Variants in GPR149 observed in about 807,000 individuals in gnomAD.
GPR149 encodes G protein-coupled receptor 149.
Under a neutral mutation model 50.2 loss-of-function variants are expected in GPR149, and 50 were observed. That is an observed-to-expected ratio of 1.00 (90% confidence interval 0.79 to 1.26). GPR149 has a LOEUF of 1.26. Ranked by LOEUF, GPR149 falls within the 50% of genes most tolerant of loss-of-function variation. The probability of loss-of-function intolerance (pLI) is 0.00; values close to 1 mark genes in which losing one functional copy is unlikely to be tolerated. For missense variants in GPR149, 983 were observed against 895.4 expected, an observed-to-expected ratio of 1.10 and a Z score of -1.25; for synonymous variants, 405 against 358.2, an observed-to-expected ratio of 1.13 and a Z score of -1.48.
intron 3 of GPR149, among the ~76,000 whole-genome samples, chr3:154,396,295 A>G (rs1715292100): frequency 6.6e-6 from 1 of 152,178 alleles, no homozygotes; most frequent in Admixed American, 6.5e-5. Flanking sequence ...TCCATTATTA[A>G]GAAATTTTCA....
chr3:154,397,537 C>T (rs192861839), intron 3 of GPR149, among the ~76,000 whole-genome samples: 64 of 152,008 alleles, frequency 4.2e-4, no homozygotes, highest in South Asian at 2.3e-3. Context: ...AAACTCATCA[C>T]TCCCAATTAT....
chr3:154,341,311 A>G (rs1713791600), intron 3 of GPR149, among the ~76,000 whole-genome samples: 1 of 58,110 alleles, frequency 1.7e-5, no homozygotes, highest in African/African-American at 6.5e-5. Flanking sequence ...ATATATATAT[A>G]TATATATATA....
chr3:154,421,094 G>T lies in GPR149; in HGVS notation c.1568C>A (p.Pro523Gln). ...ACACCACTCCCAGTCTGAAAGATCT[G>T]GTTTCTGACTCTCTTCATGAGACAG... ...RRLSHEESQKPDLSDWEWCRS... is the reference protein window; with the variant it reads ...RRLSHEESQKQDLSDWEWCRS... The change falls in exon 3 of 4, where the codon CCA becomes CAA. Residue 523 changes from proline to glutamine, a missense_variant. Transcript: ENST00000389740. 1.9e-6 allele frequency: 3 copies of T among 1,613,102 alleles called. No homozygotes were observed. Among genetic ancestry groups the T allele is most frequent in the Non-Finnish European group, 1.7e-6 (2 of 1,179,476 alleles).
chr3:154,401,672 A>T (rs1434561146), intron 3 of GPR149, among the ~76,000 whole-genome samples: 1 of 152,180 alleles, frequency 6.6e-6, no homozygotes, highest in Admixed American at 6.5e-5. Flanking sequence ...ACAGGAAAAA[A>T]AAACCTACAT....
rs201097777 is a variant in GPR149, at chr3:154,374,688, C to CATAT, written c.1624-36421_1624-36418dup. 7.2e-5 allele frequency among the ~76,000 whole-genome samples: 11 copies of CATAT among 151,982 alleles called. No homozygotes were observed. The South Asian group carries it at 1.5e-3, about 20-fold the overall frequency. ...TGGGTTATAATATGGGTCCAAAGGGCATATATATATATTAGAAGAAATCAT... is the reference window on the plus strand; with the variant it reads ...TGGGTTATAATATGGGTCCAAAGGGCATATATATATATATATTAGAAGAAATCAT... On this transcript the variant is annotated intron_variant, in intron 3 of 3. Transcript: ENST00000389740.
chr3:154,413,622 A>G (rs1295853885), intron 3 of GPR149, among the ~76,000 whole-genome samples: 1 of 136,592 alleles, frequency 7.3e-6, no homozygotes, highest in East Asian at 2.2e-4. Flanking sequence ...CACATTTGCA[A>G]GAATGGCCAT....
At chr3:154,368,112 G>C (rs1714584124) in intron 3 of GPR149, among the ~76,000 whole-genome samples, 1 of 152,176 alleles carries the variant, frequency 6.6e-6, no homozygotes, top group Non-Finnish European at 1.5e-5. Context: ...GGAGTTATCA[G>C]TAGACATTCT....
At chr3:154,348,715 A>G (rs970460606) in intron 3 of GPR149, among the ~76,000 whole-genome samples, 1 of 152,178 alleles carries the variant, frequency 6.6e-6, no homozygotes, top group African/African-American at 2.4e-5. Flanking sequence ...GAAAATCAAC[A>G]AGAGTGTAGA....
chr3:154,389,191 C>A (rs1715111895), intron 3 of GPR149, among the ~76,000 whole-genome samples: 1 of 152,106 alleles, frequency 6.6e-6, no homozygotes, highest in African/African-American at 2.4e-5. Flanking sequence ...AATAGAAGCC[C>A]TGGATCCATC....
chr3:154,420,536 G>T (rs1420894795), intron 3 of GPR149, among the ~76,000 whole-genome samples: 1 of 151,840 alleles, frequency 6.6e-6, no homozygotes, highest in Non-Finnish European at 1.5e-5. Context: ...TTTCTGCTGG[G>T]TACTGGAGGG....
chr3:154,421,927 A>T (rs1712158018), intron 2 of GPR149, among the ~76,000 whole-genome samples: 1 of 151,776 alleles, frequency 6.6e-6, no homozygotes, highest in Non-Finnish European at 1.5e-5. Flanking sequence ...TATGTGAGTT[A>T]TTCAGCTAAG....
chr3:154,386,405 T>C (rs148726710), intron 3 of GPR149, among the ~76,000 whole-genome samples: 57 of 152,352 alleles, frequency 3.7e-4, no homozygotes, highest in African/African-American at 1.3e-3. Flanking sequence ...CAGAGATTCA[T>C]ACCTGATGTC....
chr3:154,413,942 G>GTATATATATATA (rs3038651), intron 3 of GPR149, among the ~76,000 whole-genome samples: 71 of 147,902 alleles, frequency 4.8e-4, no homozygotes, highest in Non-Finnish European at 9.1e-4. Context: ...AGAAATTGTA[G>GTATATATATATA]TATATATATA....
chr3:154,364,150 C>T (rs1332166093), intron 3 of GPR149, among the ~76,000 whole-genome samples: 1 of 152,186 alleles, frequency 6.6e-6, no homozygotes, highest in Non-Finnish European at 1.5e-5. Flanking sequence ...GCCACTCCCT[C>T]CTGCTTGCTG....
chr3:154,349,256 A>G (rs749504387), intron 3 of GPR149, among the ~76,000 whole-genome samples: 2 of 152,194 alleles, frequency 1.3e-5, no homozygotes, highest in Non-Finnish European at 2.9e-5. Flanking sequence ...GAAAATAGAT[A>G]AAAGCTGATA....
At chr3:154,349,633 T>C (rs1389661432) in intron 3 of GPR149, among the ~76,000 whole-genome samples, 1 of 152,198 alleles carries the variant, frequency 6.6e-6, no homozygotes, top group African/African-American at 2.4e-5. Flanking sequence ...CAGCCTTATG[T>C]TTTCTCTGGA....
intron 3 of GPR149, among the ~76,000 whole-genome samples, chr3:154,391,103 C>T (rs1367136477): frequency 6.6e-6 from 1 of 151,650 alleles, no homozygotes; most frequent in Admixed American, 6.6e-5. Flanking sequence ...AGCTAAACAG[C>T]AATAATAAAA....
At chr3:154,356,380 G>A (rs928720714) in intron 3 of GPR149, among the ~76,000 whole-genome samples, 1 of 152,144 alleles carries the variant, frequency 6.6e-6, no homozygotes, top group African/African-American at 2.4e-5. Flanking sequence ...AGGAAAAGAG[G>A]AAGTCAAATT....
chr3:154,426,913 T>TGA (rs1553767488), intron 2 of GPR149, among the ~76,000 whole-genome samples: 14 of 127,276 alleles, frequency 1.1e-4, no homozygotes, highest in African/African-American at 3.8e-4. Context: ...TGTGTGTGTG[T>TGA]GAGACAGAGA....
Sources: gnomAD v4.1 joint callset for allele counts (sites outside exome capture counted in the v4.1 genomes callset) on GRCh38, gnomAD v4.1.1 for gene constraint, MANE v1.5 for transcripts, NCBI Gene and HGNC (gene_info 2026-07-23, HGNC 2026-07-21) for gene names.